Variants in CSMD1 observed in about 807,000 individuals in gnomAD.
CSMD1 encodes the protein CUB and sushi domain-containing protein 1.
CSMD1 carries 213 observed loss-of-function variants against 417.5 expected under a neutral mutation model. The ratio of observed to expected loss-of-function variants is 0.51; its 90% CI spans 0.46 to 0.57. The LOEUF is 0.57. Ranked by LOEUF, CSMD1 falls within the 20% of genes least tolerant of loss-of-function variation. The pLI is 0.00. For synonymous variants in CSMD1, 2,862 were observed against 1,736.8 expected (o/e 1.65, Z -16.11); for missense variants, 6,923 against 4,529.7 (o/e 1.53, Z -15.17).
At chr8:3,022,831 G>C (rs183133628) in intron 51 of CSMD1, among the ~76,000 whole-genome samples, 1 of 152,158 alleles carries the variant, frequency 6.6e-6, no homozygotes, top group Admixed American at 6.5e-5. Context: ...AAGGCACTCC[G>C]TATAGATCAG....
intron 26 of CSMD1, among the ~76,000 whole-genome samples, chr8:3,274,202 G>A (rs1441040857): frequency 6.6e-6 from 1 of 151,562 alleles, no homozygotes; most frequent in African/African-American, 2.4e-5. Flanking sequence ...AGTCATTCAG[G>A]AGCAGGTTGT....
chr8:4,105,111 A>C (rs2130890969), intron 3 of CSMD1, among the ~76,000 whole-genome samples: 1 of 152,322 alleles, frequency 6.6e-6, no homozygotes, highest in East Asian at 1.9e-4. Context: ...ATGTGTCCTT[A>C]GCTCCCTACA....
chr8:4,085,052 C>A (rs1168468413), intron 3 of CSMD1, among the ~76,000 whole-genome samples: 1 of 152,104 alleles, frequency 6.6e-6, no homozygotes, highest in Non-Finnish European at 1.5e-5. Flanking sequence ...AGTTCATAAG[C>A]AATATGTTGC....
At chr8:4,525,403 G>C (rs888622102) in intron 2 of CSMD1, among the ~76,000 whole-genome samples, 4 of 152,094 alleles carry the variant, frequency 2.6e-5, no homozygotes, top group African/African-American at 7.2e-5. Flanking sequence ...ACCACCAACT[G>C]TCATTCCCAA....
chr8:4,681,252 G>A (rs551539936), intron 1 of CSMD1, among the ~76,000 whole-genome samples: 2 of 152,218 alleles, frequency 1.3e-5, no homozygotes, highest in East Asian at 3.9e-4. Flanking sequence ...ATATCGATAT[G>A]AATAAATCCA....
intron 12 of CSMD1, among the ~76,000 whole-genome samples, chr8:3,438,366 C>A (rs754937188): frequency 1.7e-4 from 26 of 152,144 alleles, no homozygotes; most frequent in Non-Finnish European, 3.5e-4. Flanking sequence ...AGATACAGAA[C>A]ATGTCCAGCA....
At chr8:4,665,096 C>A (rs1002842413) in intron 1 of CSMD1, among the ~76,000 whole-genome samples, 1 of 152,176 alleles carries the variant, frequency 6.6e-6, no homozygotes, top group East Asian at 1.9e-4. Context: ...TTCCACCTTG[C>A]CACCCAGCCC....
At chr8:4,160,973 T>C (rs955112452) in intron 3 of CSMD1, among the ~76,000 whole-genome samples, 28 of 152,196 alleles carry the variant, frequency 1.8e-4, no homozygotes, top group African/African-American at 5.8e-4. Flanking sequence ...GATATAAAAA[T>C]TGTTAATTAT....
At position 3,696,112 on chromosome 8, in the gene CSMD1, G is replaced by A. The variant is rs577386551; in HGVS notation, c.1009+12302C>T. ...ACATTTCCTACATATCAGTTACCTTGAATTTTCACTTGAAGCCATGGTTTT... is the reference window on the plus strand; with the variant it reads ...ACATTTCCTACATATCAGTTACCTTAAATTTTCACTTGAAGCCATGGTTTT... On this transcript the variant is annotated intron_variant, in intron 7 of 69. Coordinates refer to ENST00000635120, the MANE Select transcript of CSMD1 (RefSeq NM_033225.6). 2.0e-5 allele frequency among the ~76,000 whole-genome samples: 3 copies of A among 152,242 alleles called. No homozygotes were observed. The South Asian group carries it at 6.2e-4, about 32-fold the overall frequency.
intron 3 of CSMD1, among the ~76,000 whole-genome samples, chr8:4,284,211 T>C (rs1330589096): frequency 6.6e-6 from 1 of 151,726 alleles, no homozygotes; most frequent in Non-Finnish European, 1.5e-5. Context: ...CTACTAAAAA[T>C]ACAAAAATTA....
chr8:4,971,231 G>A (rs1251103511), intron 1 of CSMD1, among the ~76,000 whole-genome samples: 1 of 151,940 alleles, frequency 6.6e-6, no homozygotes, highest in African/African-American at 2.4e-5. Flanking sequence ...GTACCTTTAA[G>A]TTGATAAAGT....
chr8:4,803,349 A>G (rs983773959), intron 1 of CSMD1, among the ~76,000 whole-genome samples: 1 of 152,186 alleles, frequency 6.6e-6, no homozygotes, highest in Non-Finnish European at 1.5e-5. Context: ...AAATATAAAA[A>G]GGGTTTCAGT....
intron 1 of CSMD1, among the ~76,000 whole-genome samples, chr8:4,854,050 A>T (rs1362146854): frequency 6.6e-6 from 1 of 152,138 alleles, no homozygotes; most frequent in Non-Finnish European, 1.5e-5. Context: ...TTTATTTTAC[A>T]GTCTCACAGG....
Position 3,987,694 on chromosome 8 carries a change from G to C in CSMD1, c.818+10209C>G, listed in dbSNP as rs535039182. On this transcript the variant is annotated intron_variant, in intron 5 of 69. Transcript: ENST00000635120. ...GACAGAGAAAATGGATTGAAAACAG[G>C]AAACTGCAAGGTGGAACGAGGTCAC... is the stretch of plus-strand genomic sequence containing the variant. Among the ~76,000 whole-genome samples the C allele has an allele frequency of 1.3e-3, 204 of 152,294 alleles. 2 individuals carry two copies. The highest frequency in any genetic ancestry group is 4.7e-3 in the African/African-American group (195 of 41,566).
chr8:4,725,769 TACACAGGATTTGCG>T (rs1809391702), intron 1 of CSMD1, among the ~76,000 whole-genome samples: 1 of 152,188 alleles, frequency 6.6e-6, no homozygotes, highest in South Asian at 2.1e-4. Flanking sequence ...TACCTTGAGT[TACACAGGATTTGCG>T]CTGCGTTTGA....
At chr8:4,444,880 G>T (rs529752478) in intron 2 of CSMD1, among the ~76,000 whole-genome samples, 1 of 152,122 alleles carries the variant, frequency 6.6e-6, no homozygotes, top group Non-Finnish European at 1.5e-5. Context: ...CAAGGTAATT[G>T]ATTGTTCAGA....
chr8:4,654,104 C>G (rs1460431709), intron 1 of CSMD1, among the ~76,000 whole-genome samples: 1 of 152,094 alleles, frequency 6.6e-6, no homozygotes, highest in African/African-American at 2.4e-5. Flanking sequence ...CGGTGCAAAC[C>G]AGGGCCGATG....
chr8:3,892,621 G>A (rs1045271798), intron 5 of CSMD1, among the ~76,000 whole-genome samples: 1 of 151,628 alleles, frequency 6.6e-6, no homozygotes, highest in African/African-American at 2.4e-5. Flanking sequence ...TCACTCTGGT[G>A]CACGTCAGTA....
chr8:4,427,335 G>C (rs1419667887), intron 2 of CSMD1, among the ~76,000 whole-genome samples: 1 of 152,144 alleles, frequency 6.6e-6, no homozygotes, highest in Non-Finnish European at 1.5e-5. Context: ...TGAGTTACAT[G>C]TCAAACTGTG....
Sources: allele counts gnomAD v4.1 joint callset (sites outside exome capture counted in the v4.1 genomes callset), GRCh38; gene constraint gnomAD v4.1.1; transcripts MANE v1.5; gene names NCBI Gene and HGNC (gene_info 2026-07-23, HGNC 2026-07-21).